Variants in VPS13B observed in about 807,000 individuals in gnomAD.
The protein encoded by VPS13B is intermembrane lipid transfer protein VPS13B.
Under a neutral mutation model 426.4 loss-of-function variants are expected in VPS13B, and 285 were observed. The observed-to-expected ratio is 0.67, with a 90% CI of 0.61 to 0.74. VPS13B has a LOEUF of 0.74. VPS13B is among the 30% of genes least tolerant of loss of function. The probability of loss-of-function intolerance (pLI) is 0.00; values close to 1 mark genes in which losing one functional copy is unlikely to be tolerated. For synonymous variants in VPS13B, 1,676 were observed against 1,676.4 expected, an observed-to-expected ratio of 1.00 and a Z score of 0.01; for missense variants, 4,537 against 4,782.6, an observed-to-expected ratio of 0.95 and a Z score of 1.51.
chr8:99,677,988 A>G (rs1280856707), intron 35 of VPS13B, among the ~76,000 whole-genome samples: 1 of 151,996 alleles, frequency 6.6e-6, no homozygotes, highest in African/African-American at 2.4e-5. Context: ...TCCCTGTACA[A>G]TAGTCTCTTT....
intron 25 of VPS13B, among the ~76,000 whole-genome samples, chr8:99,482,335 C>T (rs1820086542): frequency 6.6e-6 from 1 of 152,000 alleles, no homozygotes; most frequent in South Asian, 2.1e-4. Flanking sequence ...GCCTCCTTTA[C>T]TATCCTGATA....
intron 6 of VPS13B, among the ~76,000 whole-genome samples, chr8:99,113,866 CTA>C (rs1188329510): frequency 6.6e-6 from 1 of 152,012 alleles, no homozygotes; most frequent in Non-Finnish European, 1.5e-5. Context: ...CCTGGCCCCT[CTA>C]TTTCTTTTCA....
chr8:99,277,773 A>C (rs867409189), intron 19 of VPS13B, among the ~76,000 whole-genome samples: 1 of 152,214 alleles, frequency 6.6e-6, no homozygotes, highest in South Asian at 2.1e-4. Context: ...CCCTGCTATT[A>C]GAATTTTATG....
chr8:99,223,421 G>A (rs1416964085), intron 17 of VPS13B, among the ~76,000 whole-genome samples: 1 of 152,060 alleles, frequency 6.6e-6, no homozygotes, highest in Non-Finnish European at 1.5e-5. Flanking sequence ...GTGTCATTTA[G>A]TCCTCACAGC....
chr8:99,310,231 T>A (rs531171957), intron 19 of VPS13B, among the ~76,000 whole-genome samples: 47 of 152,140 alleles, frequency 3.1e-4, no homozygotes, highest in African/African-American at 1.0e-3. Context: ...TGAATAGGAG[T>A]GGTGAGAGAG....
chr8:99,263,317 A>G (rs913195571), intron 17 of VPS13B, among the ~76,000 whole-genome samples: 2 of 152,186 alleles, frequency 1.3e-5, no homozygotes, highest in African/African-American at 4.8e-5. Context: ...AGGCAGGAGT[A>G]TGTAGATATT....
At chr8:99,608,530 C>CT (rs1309378091) in intron 33 of VPS13B, among the ~76,000 whole-genome samples, 1 of 152,124 alleles carries the variant, frequency 6.6e-6, no homozygotes, top group East Asian at 1.9e-4. Context: ...AAATGTACAG[C>CT]TGTATGACCT....
chr8:99,497,475 A>T, intron 25 of VPS13B, among the ~76,000 whole-genome samples: 1 of 150,734 alleles, frequency 6.6e-6, no homozygotes, highest in Non-Finnish European at 1.5e-5. Flanking sequence ...AATGTTTGGA[A>T]GCTTAGGGTC....
At chr8:99,550,369 T>A (rs1000874432) in intron 30 of VPS13B, among the ~76,000 whole-genome samples, 27 of 150,620 alleles carry the variant, frequency 1.8e-4, no homozygotes, top group African/African-American at 6.3e-4. Context: ...AATAGAAATA[T>A]CTTCTAGGGA....
At chr8:99,232,864 C>T (rs1816415893) in intron 17 of VPS13B, among the ~76,000 whole-genome samples, 1 of 152,140 alleles carries the variant, frequency 6.6e-6, no homozygotes, top group African/African-American at 2.4e-5. Flanking sequence ...GCTGACCTTC[C>T]CCCGCCTCCT....
chr8:99,546,135 C>G lies in VPS13B; in HGVS notation c.4746-10315C>G, dbSNP rs1005252374. Among the ~76,000 whole-genome samples the G allele has an allele frequency of 1.7e-4, 26 of 152,028 alleles. 1 individual carries two copies. In the East Asian group the frequency reaches 3.3e-3, roughly 19 times the overall value. On this transcript the variant is annotated intron_variant, in intron 30 of 61. Transcript: ENST00000357162. ...ATACTAACTTCTGTTCCTATTCTTT[C>G]TTCTTGACCGATTTTATAATATTTG...
At chr8:99,784,546 C>T (rs1287410708) in intron 43 of VPS13B, 70 bp downstream of exon 43, 28 of 1,590,800 alleles carry the variant, frequency 1.8e-5, no homozygotes, top group Non-Finnish European at 2.2e-5. Flanking sequence ...CACTTGTGTG[C>T]CTGTCCAGTT....
chr8:99,877,474 T>A lies in VPS13B; in HGVS notation c.*1808T>A, dbSNP rs1817745499. 1.3e-5 allele frequency: 2 copies of A among 152,622 alleles called. No individual in the cohort carries two copies. The highest frequency in any genetic ancestry group is 2.9e-5 in the Non-Finnish European group (2 of 68,046). 9.5% of individuals were successfully genotyped at this position (152,622 alleles called of 1,614,324 possible). A position where few individuals can be genotyped will look rare whatever the true frequency, so the allele number is the denominator to read the frequency against. ...CTGTTACCAGGTTTTACAATGCAAATTTTCACTAATACCTGGGTTTAATAC... is the reference window on the plus strand; with the variant it reads ...CTGTTACCAGGTTTTACAATGCAAAATTTCACTAATACCTGGGTTTAATAC... On this transcript the variant is annotated 3_prime_UTR_variant, in exon 62 of 62. Coordinates refer to ENST00000357162, the MANE Select transcript of VPS13B (RefSeq NM_152564.5).
chr8:99,773,034 C>A (rs1195126011), intron 40 of VPS13B, among the ~76,000 whole-genome samples: 5 of 152,162 alleles, frequency 3.3e-5, no homozygotes, highest in Non-Finnish European at 5.9e-5. Context: ...CAGTATGGTA[C>A]CTTGTCTTGC....
intron 14 of VPS13B, among the ~76,000 whole-genome samples, chr8:99,149,437 G>A (rs1810933361): frequency 6.6e-6 from 1 of 152,032 alleles, no homozygotes; most frequent in Non-Finnish European, 1.5e-5. Flanking sequence ...CCTGTCTCAG[G>A]CTTCTGAGTA....
intron 43 of VPS13B, among the ~76,000 whole-genome samples, chr8:99,787,288 A>T (rs575561437): frequency 0.046 from 6,951 of 152,254 alleles, 163 homozygotes; most frequent in African/African-American, 0.061. Flanking sequence ...GAAGAGAAAC[A>T]TGGACACAAC....
chr8:99,796,285 A>G (rs1218436503), intron 43 of VPS13B, among the ~76,000 whole-genome samples: 1 of 152,182 alleles, frequency 6.6e-6, no homozygotes, highest in African/African-American at 2.4e-5. Context: ...GAGGGATAAA[A>G]GCCAGATTAC....
chr8:99,681,231 T>C (rs1181680611), intron 35 of VPS13B, among the ~76,000 whole-genome samples: 1 of 152,226 alleles, frequency 6.6e-6, no homozygotes, highest in Non-Finnish European at 1.5e-5. Flanking sequence ...TCCTGTCTTT[T>C]GGTGGACCTG....
chr8:99,644,010 G>C (rs71516843), intron 34 of VPS13B, among the ~76,000 whole-genome samples: 1 of 152,134 alleles, frequency 6.6e-6, no homozygotes, highest in Non-Finnish European at 1.5e-5. Flanking sequence ...TTAATTCTCA[G>C]CCCTTCATTA....
Sources: allele counts gnomAD v4.1 joint callset (sites outside exome capture counted in the v4.1 genomes callset), GRCh38; gene constraint gnomAD v4.1.1; transcripts MANE v1.5; gene names NCBI Gene and HGNC (gene_info 2026-07-23, HGNC 2026-07-21).